The following SIN3A variants were observed in gnomAD, a reference collection of about 807,000 sequenced individuals.
SIN3A encodes paired amphipathic helix protein Sin3a.
In SIN3A, 14 loss-of-function variants were observed where a neutral mutation model predicts 146.1. That is an observed-to-expected ratio of 0.10 (90% confidence interval 0.06 to 0.15). The LOEUF (loss-of-function observed/expected upper bound fraction) is 0.15, where lower values mean the gene tolerates loss of function less well. SIN3A is among the 10% of genes least tolerant of loss of function. SIN3A has a pLI of 1.00. For missense variants in SIN3A, 1,028 were observed against 1,576.0 expected (o/e 0.65, Z 5.89); for synonymous variants, 572 against 572.0 (o/e 1.00, Z 0.00).
intron 9 of SIN3A, among the ~76,000 whole-genome samples, chr15:75,403,049 G>T: frequency 6.6e-6 from 1 of 152,198 alleles, no homozygotes; most frequent in East Asian, 1.9e-4. Flanking sequence ...TATGAAACAA[G>T]TAACTGGCTA....
chr15:75,431,815 C>G (rs762488957), intron 1 of SIN3A, among the ~76,000 whole-genome samples: 27 of 152,318 alleles, frequency 1.8e-4, no homozygotes, highest in Non-Finnish European at 3.4e-4. Flanking sequence ...GCCTGCCACT[C>G]TAATCCTTAG....
intron 15 of SIN3A, among the ~76,000 whole-genome samples, chr15:75,391,346 C>T (rs1013285739): frequency 8.5e-5 from 13 of 152,120 alleles, no homozygotes; most frequent in Non-Finnish European, 1.5e-4. Context: ...AATTTCTACC[C>T]AAGTAGATGG....
intron 1 of SIN3A, among the ~76,000 whole-genome samples, chr15:75,440,349 G>A (rs2074185981): frequency 1.3e-5 from 2 of 151,238 alleles, no homozygotes; most frequent in Admixed American, 6.6e-5. Context: ...CTGTGCCTCA[G>A]CCTCCCAAAG....
chr15:75,418,358 C>T (rs1307601767), intron 3 of SIN3A, among the ~76,000 whole-genome samples: 1 of 147,570 alleles, frequency 6.8e-6, no homozygotes, highest in Non-Finnish European at 1.5e-5. Flanking sequence ...CATGGTCTCA[C>T]TCTGTCACCC....
chr15:75,416,374 G>A (rs144571189), intron 3 of SIN3A, among the ~76,000 whole-genome samples: 310 of 152,316 alleles, frequency 2.0e-3, no homozygotes, highest in African/African-American at 7.3e-3. Flanking sequence ...TGCCCAGGCT[G>A]GAGTGCAGTG....
intron 16 of SIN3A, among the ~76,000 whole-genome samples, chr15:75,385,536 T>G (rs2141400696): frequency 6.6e-6 from 1 of 152,354 alleles, no homozygotes; most frequent in African/African-American, 2.4e-5. Context: ...ATTTCTATTT[T>G]GAAATAAAAA....
intron 1 of SIN3A, among the ~76,000 whole-genome samples, chr15:75,440,273 C>T (rs2074184295): frequency 6.6e-6 from 1 of 151,694 alleles, no homozygotes; most frequent in Non-Finnish European, 1.5e-5. Context: ...CTTTGTCACC[C>T]AGGCTGGAGT....
At chr15:75,386,547 T>C (rs866664706) in intron 16 of SIN3A, among the ~76,000 whole-genome samples, 15 of 152,056 alleles carry the variant, frequency 9.9e-5, no homozygotes, top group Non-Finnish European at 1.3e-4. Flanking sequence ...GGAGCATCTG[T>C]ATGGAAAGGT....
At chr15:75,382,330 TAC>T (rs1289662526) in intron 17 of SIN3A, among the ~76,000 whole-genome samples, 2 of 152,226 alleles carry the variant, frequency 1.3e-5, no homozygotes, top group Non-Finnish European at 2.9e-5. Context: ...ACATAATATA[TAC>T]ACACACAAAT....
chr15:75,378,524 A>T (rs1171790649), intron 19 of SIN3A, among the ~76,000 whole-genome samples: 1 of 152,190 alleles, frequency 6.6e-6, no homozygotes, highest in Non-Finnish European at 1.5e-5. Context: ...AGATCACACC[A>T]TTGCACTCCA....
intron 1 of SIN3A, among the ~76,000 whole-genome samples, chr15:75,430,827 G>A (rs997887523): frequency 6.6e-6 from 1 of 151,390 alleles, no homozygotes; most frequent in African/African-American, 2.4e-5. Flanking sequence ...CCCAGGCTGA[G>A]TGCAGTGGTG....
At chr15:75,444,904 T>TA (rs943851372) in intron 1 of SIN3A, among the ~76,000 whole-genome samples, 1 of 152,204 alleles carries the variant, frequency 6.6e-6, no homozygotes, top group Admixed American at 6.5e-5. Context: ...CTTTGAAGTC[T>TA]AAAATTATTT....
chr15:75,397,630 T>C (rs1228874581), intron 12 of SIN3A, among the ~76,000 whole-genome samples: 1 of 151,940 alleles, frequency 6.6e-6, no homozygotes, highest in Admixed American at 6.6e-5. Flanking sequence ...GATGTGGGAG[T>C]TGTCTGTACT....
chr15:75,390,104 A>G (rs2073170048), intron 15 of SIN3A, among the ~76,000 whole-genome samples: 1 of 152,214 alleles, frequency 6.6e-6, no homozygotes. Context: ...CCACTTTCAG[A>G]GAGGAAAATA....
At chr15:75,405,827 A>G (rs891742886) in intron 9 of SIN3A, among the ~76,000 whole-genome samples, 2 of 152,216 alleles carry the variant, frequency 1.3e-5, no homozygotes, top group Non-Finnish European at 2.9e-5. Flanking sequence ...TTTGGCTTAT[A>G]TATTTCTTAA....
intron 10 of SIN3A, among the ~76,000 whole-genome samples, chr15:75,401,243 C>T (rs2073405407): frequency 1.3e-5 from 2 of 152,134 alleles, no homozygotes; most frequent in Admixed American, 6.6e-5. Flanking sequence ...AGTAAAGATT[C>T]CAGACTCGGT....
intron 3 of SIN3A, among the ~76,000 whole-genome samples, chr15:75,416,853 G>A (rs1234700885): frequency 6.6e-6 from 1 of 152,168 alleles, no homozygotes; most frequent in African/African-American, 2.4e-5. Context: ...AAAGAGCAGT[G>A]GTTGCTTTTT....
At chr15:75,409,763 G>T in intron 8 of SIN3A, 73 bp downstream of exon 8, 1 of 1,461,838 alleles carries the variant, frequency 6.8e-7, no homozygotes, top group South Asian at 1.2e-5. Context: ...CAAAACACAT[G>T]ACCACCTCTA....
chr15:75,400,727 T>C lies in SIN3A; in HGVS notation c.1737+3A>G. The C allele has an allele frequency of 6.2e-7, 1 of 1,611,742 alleles. No individual in the cohort carries two copies. On this transcript the variant is annotated splice_donor_region_variant and intron_variant, in intron 11 of 20. Transcript: ENST00000394947. ...GGCTGATCTTTGCTAGGGAAGGCCT[T>C]ACCTCTTTACAGAGAGGAGTCCGTC...
Sources: allele counts gnomAD v4.1 joint callset (sites outside exome capture counted in the v4.1 genomes callset), GRCh38; gene constraint gnomAD v4.1.1; transcripts MANE v1.5; gene names NCBI Gene and HGNC (gene_info 2026-07-23, HGNC 2026-07-21).